The following CCDC7 variants were observed in gnomAD, a reference collection of about 807,000 sequenced individuals.
The protein encoded by CCDC7 is coiled-coil domain containing 7.
In CCDC7, 183 loss-of-function variants were observed where a neutral mutation model predicts 196.9. The ratio of observed to expected loss-of-function variants is 0.93; its 90% confidence interval spans 0.82 to 1.05. The LOEUF (loss-of-function observed/expected upper bound fraction) is 1.05, where lower values mean the gene tolerates loss of function less well. Ranked by LOEUF, CCDC7 falls within the 50% of genes least tolerant of loss-of-function variation. The pLI, the probability that CCDC7 is intolerant of heterozygous loss-of-function variation, is 0.00. For missense variants in CCDC7, 1,540 were observed against 1,482.2 expected (o/e 1.04, Z -0.64); for synonymous variants, 525 against 484.6 (o/e 1.08, Z -1.10).
intron 8 of CCDC7, among the ~76,000 whole-genome samples, chr10:32,480,201 C>T (rs761551456): frequency 9.9e-5 from 15 of 151,962 alleles, no homozygotes; most frequent in African/African-American, 2.4e-4. Flanking sequence ...TGTACTTCTG[C>T]GCTAATCTCT....
In CCDC7 at chr10:32,670,725, C is replaced by G. The variant is rs11596330; in HGVS notation, c.2122+6564C>G. 4.8e-3 allele frequency among the ~76,000 whole-genome samples: 728 copies of G among 152,090 alleles called. 9 individuals carry two copies. Among genetic ancestry groups the G allele is most frequent in the African/African-American group, 0.017 (695 of 41,498 alleles). The stretch of plus-strand genomic sequence containing the variant: ...GTCCCTACAAAGGACGTGAACTCAT[C>G]ATTTCAAAATACCAACTCTTAGTTT... On this transcript the variant is annotated intron_variant, in intron 21 of 41. Transcript: ENST00000639629.
At chr10:32,472,061 A>G (rs1161878981) in intron 6 of CCDC7, among the ~76,000 whole-genome samples, 1 of 152,200 alleles carries the variant, frequency 6.6e-6, no homozygotes, top group Admixed American at 6.5e-5. Flanking sequence ...GTTAAGTAAT[A>G]TACCTGGCTG....
At chr10:32,604,668 T>C (rs2061391758) in intron 18 of CCDC7, among the ~76,000 whole-genome samples, 1 of 152,206 alleles carries the variant, frequency 6.6e-6, no homozygotes, top group Non-Finnish European at 1.5e-5. Context: ...TTTAGGTATA[T>C]TACTTTTTCT....
At chr10:32,834,049 C>A (rs1403181757) in intron 32 of CCDC7, among the ~76,000 whole-genome samples, 1 of 151,942 alleles carries the variant, frequency 6.6e-6, no homozygotes, top group Non-Finnish European at 1.5e-5. Context: ...CTGTCATTGA[C>A]CCTAGCAGTT....
At chr10:32,814,499 A>G (rs374403661) in intron 31 of CCDC7, 46 bp downstream of exon 32, 58 of 1,380,620 alleles carry the variant, frequency 4.2e-5, no homozygotes, top group Admixed American at 4.0e-4. Context: ...GTTAGTTTAT[A>G]TTCTCTGGAG....
chr10:32,851,041 G>T (rs572335099), intron 39 of CCDC7, among the ~76,000 whole-genome samples: 1 of 152,152 alleles, frequency 6.6e-6, no homozygotes, highest in African/African-American at 2.4e-5. Context: ...ATGCAGGCTG[G>T]GGCAAATGGA....
chr10:32,723,636 C>T (rs1228907258), intron 25 of CCDC7, among the ~76,000 whole-genome samples: 5 of 152,042 alleles, frequency 3.3e-5, no homozygotes, highest in African/African-American at 1.2e-4. Context: ...CTTCCTCCTC[C>T]TCTTTAGGCA....
chr10:32,760,197 G>A (rs1297849605), intron 28 of CCDC7, among the ~76,000 whole-genome samples: 34 of 151,678 alleles, frequency 2.2e-4, no homozygotes, highest in African/African-American at 7.5e-4. Context: ...CGATTCCTCA[G>A]GGATCTAGAA....
intron 20 of CCDC7, among the ~76,000 whole-genome samples, chr10:32,658,549 G>A (rs1431762755): frequency 6.6e-6 from 1 of 152,134 alleles, no homozygotes; most frequent in Non-Finnish European, 1.5e-5. Context: ...CATGACACAT[G>A]GGGATTATGG....
chr10:32,774,459 A>G (rs1009768812), intron 28 of CCDC7, among the ~76,000 whole-genome samples: 1 of 152,170 alleles, frequency 6.6e-6, no homozygotes, highest in African/African-American at 2.4e-5. Flanking sequence ...CCATGTGTCT[A>G]GGGAAATTCT....
chr10:32,769,255 T>C (rs1261419950), intron 28 of CCDC7, among the ~76,000 whole-genome samples: 4 of 152,070 alleles, frequency 2.6e-5, no homozygotes, highest in Admixed American at 2.6e-4. Flanking sequence ...TTTACAGAAA[T>C]TTATCCATTT....
chr10:32,611,702 G>T (rs1590578168), intron 18 of CCDC7, among the ~76,000 whole-genome samples: 1 of 152,092 alleles, frequency 6.6e-6, no homozygotes, highest in African/African-American at 2.4e-5. Context: ...GCTTGTTTTT[G>T]TCAGGTTTGT....
chr10:32,574,116 G>A (rs1337975707), intron 16 of CCDC7, among the ~76,000 whole-genome samples: 1 of 151,848 alleles, frequency 6.6e-6, no homozygotes. Context: ...TGTGCCAAGT[G>A]GACAGAACTT....
chr10:32,710,237 TCA>T (rs2080596530), intron 24 of CCDC7, among the ~76,000 whole-genome samples: 1 of 152,186 alleles, frequency 6.6e-6, no homozygotes, highest in Non-Finnish European at 1.5e-5. Context: ...TTCTCCTAGA[TCA>T]CACAGGAAAG....
intron 28 of CCDC7, among the ~76,000 whole-genome samples, chr10:32,746,872 G>A (rs72782270): frequency 0.085 from 12,983 of 152,214 alleles, 877 homozygotes; most frequent in South Asian, 0.25. Flanking sequence ...GCTGGCATGC[G>A]CACACAAGGA....
chr10:32,724,646 G>A (rs1036938706), intron 25 of CCDC7, among the ~76,000 whole-genome samples: 1 of 152,052 alleles, frequency 6.6e-6, no homozygotes, highest in African/African-American at 2.4e-5. Context: ...GACCAGGAGT[G>A]GAAAAGTACT....
chr10:32,699,937 G>A lies in CCDC7; in HGVS notation c.2458+4945G>A, dbSNP rs185253433. On this transcript the variant is annotated intron_variant, in intron 24 of 41. Transcript: ENST00000639629. ...TCTTGTAAATTTGTTTGAGTTCATC[G>A]TAGATTCTGGATATTAGCCCTTTGT... Among the ~76,000 whole-genome samples, 8 of 149,308 alleles carry A rather than the reference G, an allele frequency of 5.4e-5. 1 individual carries two copies. The highest frequency in any genetic ancestry group is 1.0e-4 in the African/African-American group (4 of 38,792).
intron 32 of CCDC7, among the ~76,000 whole-genome samples, chr10:32,828,168 G>T (rs919049118): frequency 6.6e-6 from 1 of 152,062 alleles, no homozygotes; most frequent in Non-Finnish European, 1.5e-5. Context: ...CAACCTGGAA[G>T]CCCAAGCCCC....
chr10:32,662,900 C>G (rs2071806870), intron 20 of CCDC7, among the ~76,000 whole-genome samples: 1 of 152,128 alleles, frequency 6.6e-6, no homozygotes, highest in South Asian at 2.1e-4. Flanking sequence ...AAGTAAGAGA[C>G]TATCAGGTAG....
Sources: gnomAD v4.1 joint callset for allele counts (sites outside exome capture counted in the v4.1 genomes callset) on GRCh38, gnomAD v4.1.1 for gene constraint, MANE v1.5 for transcripts, NCBI Gene and HGNC (gene_info 2026-07-23, HGNC 2026-07-21) for gene names.